Variants in MGLL observed in about 807,000 individuals in gnomAD.
MGLL encodes the protein lysophospholipase homolog.
In MGLL, 7 loss-of-function variants were observed where a neutral mutation model predicts 29.1. That is an observed-to-expected ratio of 0.24 (90% confidence interval 0.14 to 0.45). The LOEUF (loss-of-function observed/expected upper bound fraction) is 0.45. Ranked by LOEUF, MGLL falls within the 20% of genes least tolerant of loss-of-function variation. The pLI, the probability that MGLL is intolerant of heterozygous loss-of-function variation, is 0.99. For missense variants in MGLL, 356 were observed against 413.6 expected (o/e 0.86, Z 1.21); for synonymous variants, 148 against 168.3 (o/e 0.88, Z 0.93).
chr3:127,711,198 C>T lies in MGLL; in HGVS notation c.511-533G>A, dbSNP rs114146373. 331 of 189,520 alleles carry T rather than the reference C, an allele frequency of 1.7e-3. 2 individuals are homozygous for T. Among genetic ancestry groups the T allele is most frequent in the African/African-American group, 7.1e-3 (312 of 43,900 alleles). The allele number at this position is 189,520 out of a possible 1,614,324, so 11.7% of individuals were successfully genotyped here. A position where few individuals can be genotyped will look rare whatever the true frequency, so the allele number is the denominator to read the frequency against. ...GGCTGTGTGGCAGAGGGAAGGATTG[C>T]TGGGTTTGATTCCTAGCTCTGCTGC... On this transcript the variant is annotated intron_variant, in intron 5 of 7. Coordinates refer to ENST00000265052, the MANE Select transcript of MGLL (RefSeq NM_007283.7).
intron 2 of MGLL, among the ~76,000 whole-genome samples, chr3:127,802,220 G>A (rs979357383): frequency 5.9e-5 from 9 of 152,128 alleles, no homozygotes; most frequent in East Asian, 1.9e-4. Context: ...CTAGAGTTGC[G>A]GAGTGTAAGA....
At chr3:127,784,063 C>T (rs1293558015) in intron 2 of MGLL, 3 of 152,224 alleles carry the variant, frequency 2.0e-5, no homozygotes, top group East Asian at 1.9e-4. Context: ...AAAAGGACTT[C>T]GGGGTTCCAT....
chr3:127,797,465 T>A (rs1304584991), intron 2 of MGLL, among the ~76,000 whole-genome samples: 1 of 152,110 alleles, frequency 6.6e-6, no homozygotes, highest in African/African-American at 2.4e-5. Context: ...AAACTCAGGG[T>A]GAAAAGATGG....
intron 3 of MGLL, chr3:127,736,279 T>C: frequency 1.0e-6 from 1 of 985,480 alleles, no homozygotes; most frequent in Non-Finnish European, 1.2e-6. Context: ...GGATGTGAGA[T>C]ACTATATTTT....
At chr3:127,750,845 A>C (rs1174540283) in intron 3 of MGLL, among the ~76,000 whole-genome samples, 1 of 152,152 alleles carries the variant, frequency 6.6e-6, no homozygotes, top group Non-Finnish European at 1.5e-5. Flanking sequence ...TGAAGACAAA[A>C]CCAGCTGGCT....
In MGLL at chr3:127,689,396, G is replaced by A. The variant is rs7578; in HGVS notation, c.*2802C>T. The A allele has an allele frequency of 0.52, 78,908 of 152,054 alleles. 20,807 individuals are homozygous for A. Among genetic ancestry groups the A allele is most frequent in the East Asian group, 0.64 (3,323 of 5,158 alleles). 9.4% of individuals were successfully genotyped at this position (152,054 alleles called of 1,614,324 possible). On this transcript the variant is annotated 3_prime_UTR_variant, in exon 8 of 8. Coordinates refer to ENST00000265052, the MANE Select transcript of MGLL (RefSeq NM_007283.7). Reference sequence around the variant, plus strand: ...AAGCTGGGTCGCTGCTGGAAGGGAGGGAGGCTGACTCTCTACCCCTCACCT... The same window carrying A: ...AAGCTGGGTCGCTGCTGGAAGGGAGAGAGGCTGACTCTCTACCCCTCACCT...
intron 2 of MGLL, among the ~76,000 whole-genome samples, chr3:127,817,741 G>A (rs1196809535): frequency 6.6e-6 from 1 of 152,242 alleles, no homozygotes; most frequent in Non-Finnish European, 1.5e-5. Flanking sequence ...CTGAGCTCAT[G>A]GGTAAGGAAT....
chr3:127,779,088 G>A (rs1480277367), intron 3 of MGLL, among the ~76,000 whole-genome samples: 2 of 141,816 alleles, frequency 1.4e-5, no homozygotes, highest in Non-Finnish European at 3.2e-5. Context: ...ATGTTGGACT[G>A]GGTGCAGTGG....
At chr3:127,813,344 C>A (rs145334353) in intron 2 of MGLL, among the ~76,000 whole-genome samples, 9 of 152,156 alleles carry the variant, frequency 5.9e-5, no homozygotes, top group African/African-American at 4.8e-5. Context: ...CTCTGGCCAT[C>A]TCTTCTGAGG....
At chr3:127,697,684 G>A (rs956266602) in intron 6 of MGLL, among the ~76,000 whole-genome samples, 5 of 152,228 alleles carry the variant, frequency 3.3e-5, no homozygotes, top group African/African-American at 9.7e-5. Flanking sequence ...CTGGGTTGAC[G>A]GCTTATTTTC....
At chr3:127,770,001 C>T (rs950949764) in intron 3 of MGLL, among the ~76,000 whole-genome samples, 15 of 152,170 alleles carry the variant, frequency 9.9e-5, no homozygotes, top group African/African-American at 3.6e-4. Context: ...CAATAAGGTG[C>T]CTCTCTTCAT....
At chr3:127,786,130 G>A (rs1036657159) in intron 2 of MGLL, among the ~76,000 whole-genome samples, 1 of 152,148 alleles carries the variant, frequency 6.6e-6, no homozygotes, top group Non-Finnish European at 1.5e-5. Flanking sequence ...GGGGCACTGG[G>A]GTTCTCCTCT....
At chr3:127,723,578 T>C (rs887257553) in intron 3 of MGLL, among the ~76,000 whole-genome samples, 3 of 151,748 alleles carry the variant, frequency 2.0e-5, no homozygotes, top group Non-Finnish European at 4.4e-5. Flanking sequence ...TGTCTGACCA[T>C]CCCAGTGGGC....
chr3:127,812,343 C>T (rs1242986388), intron 2 of MGLL, among the ~76,000 whole-genome samples: 1 of 152,234 alleles, frequency 6.6e-6, no homozygotes, highest in Non-Finnish European at 1.5e-5. Flanking sequence ...AGGCTGGCTT[C>T]CTTGTGGCTT....
intron 2 of MGLL, 135 bp downstream of exon 2, chr3:127,821,559 C>A: frequency 2.2e-6 from 2 of 921,704 alleles, no homozygotes; most frequent in Non-Finnish European, 3.5e-6. Context: ...CATTGCTCAG[C>A]CTAACATTAA....
chr3:127,743,134 G>T (rs2076376317), intron 3 of MGLL, among the ~76,000 whole-genome samples: 2 of 152,292 alleles, frequency 1.3e-5, no homozygotes, highest in African/African-American at 4.8e-5. Flanking sequence ...CATTTCAAAT[G>T]CACCCAAAAG....
At chr3:127,750,846 C>T (rs1478527671) in intron 3 of MGLL, among the ~76,000 whole-genome samples, 1 of 152,198 alleles carries the variant, frequency 6.6e-6, no homozygotes, top group Admixed American at 6.5e-5. Flanking sequence ...GAAGACAAAA[C>T]CAGCTGGCTC....
rs1169857508 is a variant in MGLL, at chr3:127,733,361, C to T, written c.263-10795G>A. 5.9e-5 allele frequency among the ~76,000 whole-genome samples: 9 copies of T among 152,362 alleles called. No homozygotes were observed. The East Asian group carries it at 1.7e-3, about 29-fold the overall frequency. On this transcript the variant is annotated intron_variant, in intron 3 of 7. Coordinates refer to ENST00000265052, the MANE Select transcript of MGLL (RefSeq NM_007283.7). Reference sequence around the variant, plus strand: ...TGGGCACCCACCAGCCCTCAGGCTGCTCTGTCTATGGGGTAGCCATTCTTT... The same window carrying T: ...TGGGCACCCACCAGCCCTCAGGCTGTTCTGTCTATGGGGTAGCCATTCTTT...
At chr3:127,753,084 A>T (rs2076588979) in intron 3 of MGLL, among the ~76,000 whole-genome samples, 1 of 152,226 alleles carries the variant, frequency 6.6e-6, no homozygotes. Context: ...AAGAGGAATC[A>T]TTACAAAAAT....
Sources: allele counts gnomAD v4.1 joint callset (sites outside exome capture counted in the v4.1 genomes callset), GRCh38; gene constraint gnomAD v4.1.1; transcripts MANE v1.5; gene names NCBI Gene and HGNC (gene_info 2026-07-23, HGNC 2026-07-21).